The following MACROH2A1 variants were observed in gnomAD, a reference collection of about 807,000 sequenced individuals.
MACROH2A1 encodes core histone macro-H2A.1.
In MACROH2A1, 2 loss-of-function variants were observed where a neutral mutation model predicts 31.6. That is an observed-to-expected ratio of 0.06 (90% CI 0.03 to 0.20). The LOEUF is 0.20. Ranked by LOEUF, MACROH2A1 falls within the 10% of genes least tolerant of loss-of-function variation. MACROH2A1 has a pLI of 1.00. For synonymous variants in MACROH2A1, 169 were observed against 189.6 expected, an observed-to-expected ratio of 0.89 and a Z score of 0.89; for missense variants, 230 against 474.0, an observed-to-expected ratio of 0.49 and a Z score of 4.78.
chr5:135,388,944 G>A lies in MACROH2A1; in HGVS notation c.150C>T (p.Ala50=), dbSNP rs1011940579. ...RIGVGAPVYM[A]AVLEYLTAEI... Reference sequence around the variant, plus strand: ...CACCTGTCAGGTATTCCAGGACGGCGGCCATGTACACGGGTGCCCCCACTC... The same window carrying A: ...CACCTGTCAGGTATTCCAGGACGGCAGCCATGTACACGGGTGCCCCCACTC... Residue 50 remains alanine, a synonymous_variant, in exon 2 of 9, where the codon GCC becomes GCT. Coordinates refer to ENST00000511689, the MANE Select transcript of MACROH2A1 (RefSeq NM_138610.3). 6 of 1,607,396 alleles carry A rather than the reference G, an allele frequency of 3.7e-6. No homozygotes were observed. The highest frequency in any genetic ancestry group is 2.2e-5 in the East Asian group (1 of 44,776).
chr5:135,378,058 C>G (rs1381496034), intron 2 of MACROH2A1, among the ~76,000 whole-genome samples: 15 of 152,174 alleles, frequency 9.9e-5, no homozygotes, highest in Non-Finnish European at 8.8e-5. Flanking sequence ...TTTGCCTAAG[C>G]TCCAACACCT....
Position 135,370,120 on chromosome 5 carries a change from G to A in MACROH2A1, c.195C>T (p.Gly65=), listed in dbSNP as rs550038347. 6.2e-6 allele frequency: 10 copies of A among 1,612,552 alleles called. No individual in the cohort carries two copies. The African/African-American group carries it at 1.1e-4, about 17-fold the overall frequency. The change falls in exon 3 of 9, where the codon GGC becomes GGT. Residue 65 remains glycine (G), a synonymous_variant. Coordinates refer to ENST00000511689, the MANE Select transcript of MACROH2A1 (RefSeq NM_138610.3). ...CCTTCTTGTTGTCTCTCGCTGCATT[G>A]CCAGCCAGCTCCAGAATCTCCGCTG... is the stretch of plus-strand genomic sequence containing the variant. The part of the protein sequence containing the change: ...YLTAEILELA[G]NAARDNKKGR...
chr5:135,359,270 A>G (rs939373629), intron 5 of MACROH2A1: 2 of 985,240 alleles, frequency 2.0e-6, no homozygotes, highest in African/African-American at 3.5e-5. Context: ...AAATGGAAGT[A>G]ATGTGGATGG....
intron 7 of MACROH2A1, chr5:135,344,445 G>A (rs1760485902): frequency 6.6e-6 from 1 of 152,138 alleles, no homozygotes; most frequent in South Asian, 2.1e-4. Context: ...TACTGGAGAA[G>A]GAGCGATTTG....
chr5:135,356,890 T>C (rs980907052), intron 5 of MACROH2A1: 1 of 152,254 alleles, frequency 6.6e-6, no homozygotes, highest in East Asian at 1.9e-4. Flanking sequence ...ATCTAGCCTG[T>C]AACTGTCAGA....
Position 135,370,026 on chromosome 5 carries a change from AG to A in MACROH2A1, c.279+9del. ...CTCAAACATCAGTGGGAGATGGGAG[AG>A]GCCCATACCTGATTCAGCTCTTCAT... On this transcript the variant is annotated intron_variant, in intron 3 of 8. Transcript: ENST00000511689. The A allele has an allele frequency of 6.5e-7, 1 of 1,540,976 alleles. No individual in the cohort carries two copies. Among genetic ancestry groups the A allele is most frequent in the Non-Finnish European group, 9.0e-7 (1 of 1,114,086 alleles).
rs1327969242 is a variant in MACROH2A1, at chr5:135,353,703, T to C, written c.589-658A>G. The C allele has an allele frequency of 3.3e-5, 5 of 152,230 alleles. No individual in the cohort carries two copies. In the East Asian group the frequency reaches 9.6e-4, roughly 29 times the overall value. The allele number at this position is 152,230 out of a possible 1,614,324, so 9.4% of individuals were successfully genotyped here. A position where few individuals can be genotyped will look rare whatever the true frequency, so the allele number is the denominator to read the frequency against. On this transcript the variant is annotated intron_variant, in intron 5 of 8. Transcript: ENST00000511689. Reference sequence around the variant, plus strand: ...CCAGCAAGACAATGTGTCTTTTAAATGGTTTTCACCTTGTTGGTCAGGTTG... The same window carrying C: ...CCAGCAAGACAATGTGTCTTTTAAACGGTTTTCACCTTGTTGGTCAGGTTG...
intron 1 of MACROH2A1, among the ~76,000 whole-genome samples, chr5:135,392,891 G>C (rs1374527826): frequency 6.6e-6 from 1 of 152,194 alleles, no homozygotes; most frequent in Non-Finnish European, 1.5e-5. Flanking sequence ...GCCTCAAAGA[G>C]TTGGTGGCAG....
chr5:135,381,973 G>A (rs1443049948), intron 2 of MACROH2A1, among the ~76,000 whole-genome samples: 6 of 152,158 alleles, frequency 3.9e-5, no homozygotes, highest in Non-Finnish European at 5.9e-5. Flanking sequence ...CGAAGTGGAG[G>A]ACACTTATCA....
chr5:135,365,514 A>C (rs1399213470), intron 4 of MACROH2A1, among the ~76,000 whole-genome samples: 4 of 152,126 alleles, frequency 2.6e-5, no homozygotes, highest in African/African-American at 9.7e-5. Flanking sequence ...TTCTGTAATG[A>C]ATCTGCACCT....
At position 135,360,832 on chromosome 5, in the gene MACROH2A1, A is replaced by C. The variant is rs544343817; in HGVS notation, c.478-225T>G. Reference sequence around the variant, plus strand: ...AATCACTTTATGATCGTAAAAAAAAACCAGCCACTTAAAGGTAAAACTTCA... The same window carrying C: ...AATCACTTTATGATCGTAAAAAAAACCCAGCCACTTAAAGGTAAAACTTCA... On this transcript the variant is annotated intron_variant, in intron 4 of 8. Coordinates refer to ENST00000511689, the MANE Select transcript of MACROH2A1 (RefSeq NM_138610.3). The C allele has an allele frequency of 3.9e-4, 262 of 676,266 alleles. 1 individual carries two copies. Among genetic ancestry groups the C allele is most frequent in the African/African-American group, 3.4e-3 (192 of 56,462 alleles). 41.9% of individuals were successfully genotyped at this position (676,266 alleles called of 1,614,324 possible). A position where few individuals can be genotyped will look rare whatever the true frequency, so the allele number is the denominator to read the frequency against.
At chr5:135,351,215 C>T (rs186476612) in intron 6 of MACROH2A1, 595 of 212,700 alleles carry the variant, frequency 2.8e-3, no homozygotes, top group Non-Finnish European at 4.1e-3. Flanking sequence ...CGTTTCACTT[C>T]GCAAAAGCCT....
intron 1 of MACROH2A1, among the ~76,000 whole-genome samples, chr5:135,395,939 G>A (rs139545028): frequency 2.8e-4 from 42 of 152,316 alleles, no homozygotes; most frequent in African/African-American, 9.1e-4. Flanking sequence ...TCCAGCAGAT[G>A]TGTCTTACTC....
rs774139645 is a variant in MACROH2A1 at position 135,398,360 on chromosome 5, A to G, written c.-34+702T>C. On this transcript the variant is annotated intron_variant, in intron 1 of 8. Transcript: ENST00000511689. The surrounding 1 kb of genome is among the most constrained non-coding windows in gnomAD (Gnocchi z 4.6). ...CTACAGCCTTCCGGAGTTACCTTTT[A>G]AAAAAAGCAAACCCTTCCTACCACA... 6.6e-6 allele frequency among the ~76,000 whole-genome samples: 1 copy of G among 152,060 alleles called. No homozygotes were observed. The highest frequency in any genetic ancestry group is 1.5e-5 in the Non-Finnish European group (1 of 68,002).
At chr5:135,388,816 G>C in intron 2 of MACROH2A1, 106 bp downstream of exon 2, 1 of 938,994 alleles carries the variant, frequency 1.1e-6, no homozygotes, top group Non-Finnish European at 1.6e-6. Flanking sequence ...CTTTTCTGTA[G>C]GTTTGAGCTG....
rs776023053 is a variant in MACROH2A1, at chr5:135,369,487, T to C, written c.396A>G (p.Pro132=). Reference sequence around the variant, plus strand: ...GGGATGGAGACTTGGCCTTTTTGGCTGGGGGTGGTGTGATGATGGCTTCCA... The same window carrying C: ...GGGATGGAGACTTGGCCTTTTTGGCCGGGGGTGGTGTGATGATGGCTTCCA... ...GKLEAIITPP[P]AKKAKSPSQK... is the part of the protein sequence containing the mutation. Residue 132 remains proline, a synonymous_variant, in exon 4 of 9, where the codon CCA becomes CCG. Coordinates refer to ENST00000511689, the MANE Select transcript of MACROH2A1 (RefSeq NM_138610.3). This position sits in a 1 kb window ranked among gnomAD's most constrained non-coding sequence, Gnocchi z 4.3. 1.2e-6 allele frequency: 2 copies of C among 1,614,090 alleles called. No individual in the cohort carries two copies. The highest frequency in any genetic ancestry group is 2.7e-5 in the African/African-American group (2 of 74,934).
intron 4 of MACROH2A1, among the ~76,000 whole-genome samples, chr5:135,368,349 G>A (rs1763776445): frequency 6.6e-6 from 1 of 152,204 alleles, no homozygotes; most frequent in Non-Finnish European, 1.5e-5. Flanking sequence ...GCCTGTCCTG[G>A]GAAGGTGTCC....
intron 5 of MACROH2A1, chr5:135,358,229 A>C: frequency 1.0e-6 from 1 of 985,372 alleles, no homozygotes; most frequent in East Asian, 1.1e-4. Flanking sequence ...ATAATGCTCT[A>C]ATGTATCAAT....
At chr5:135,391,550 T>C (rs1767242793) in intron 1 of MACROH2A1, among the ~76,000 whole-genome samples, 1 of 152,206 alleles carries the variant, frequency 6.6e-6, no homozygotes, top group Non-Finnish European at 1.5e-5. Context: ...TACATCAACA[T>C]GCCAGTGACT....
Sources: allele counts gnomAD v4.1 joint callset (sites outside exome capture counted in the v4.1 genomes callset), GRCh38; gene constraint gnomAD v4.1.1; non-coding constraint Gnocchi (gnomAD v3.1); transcripts MANE v1.5; gene names NCBI Gene and HGNC (gene_info 2026-07-23, HGNC 2026-07-21).